The following MAGI2 variants were observed in gnomAD, a reference collection of about 807,000 sequenced individuals.
The protein encoded by MAGI2 is membrane-associated guanylate kinase, WW and PDZ domain-containing protein 2.
MAGI2 carries 35 observed loss-of-function variants against 133.3 expected under a neutral mutation model. That is an observed-to-expected ratio of 0.26 (90% CI 0.20 to 0.35). MAGI2 has a LOEUF of 0.35. Ranked by LOEUF, MAGI2 falls within the 10% of genes least tolerant of loss-of-function variation. The pLI is 1.00. For missense variants in MAGI2, 1,636 were observed against 1,863.4 expected (o/e 0.88, Z 2.25); for synonymous variants, 729 against 710.6 (o/e 1.03, Z -0.41).
In MAGI2 at chr7:78,470,429, T is replaced by C. The variant is rs527258859; in HGVS notation, c.1045+19332A>G. 2.6e-5 allele frequency among the ~76,000 whole-genome samples: 4 copies of C among 152,236 alleles called. No homozygotes were observed. The South Asian group carries it at 8.3e-4, about 32-fold the overall frequency. On this transcript the variant is annotated intron_variant, in intron 6 of 21. Transcript: ENST00000354212. ...AACATTTTAATATGAAACAATGCAT[T>C]GTTTCTCCTTTATTTAGTGGTGGGG... is the stretch of plus-strand genomic sequence containing the variant.
At chr7:79,166,027 G>C (rs1349985777) in intron 1 of MAGI2, among the ~76,000 whole-genome samples, 1 of 151,896 alleles carries the variant, frequency 6.6e-6, no homozygotes, top group Non-Finnish European at 1.5e-5. Context: ...ATCTTTGTTG[G>C]TTTGAATCTC....
intron 3 of MAGI2, among the ~76,000 whole-genome samples, chr7:78,572,176 A>G (rs76321538): frequency 0.026 from 3,939 of 152,286 alleles, 82 homozygotes; most frequent in Non-Finnish European, 0.039. Flanking sequence ...TTCGTGGTTC[A>G]GCAAAGACTT....
chr7:78,084,751 G>C (rs1031120213), intron 20 of MAGI2, among the ~76,000 whole-genome samples: 1 of 152,236 alleles, frequency 6.6e-6, no homozygotes, highest in African/African-American at 2.4e-5. Context: ...CTTTGCTGCT[G>C]CAGTCATTGT....
At chr7:78,708,989 C>T (rs113059603) in intron 2 of MAGI2, among the ~76,000 whole-genome samples, 2 of 152,096 alleles carry the variant, frequency 1.3e-5, no homozygotes, top group African/African-American at 4.8e-5. Context: ...TCTCCATCCC[C>T]GCTATTAGCC....
chr7:79,139,009 A>ACACCTGG (rs1202529808), intron 1 of MAGI2, among the ~76,000 whole-genome samples: 23 of 150,164 alleles, frequency 1.5e-4, no homozygotes, highest in African/African-American at 5.6e-4. Flanking sequence ...AGAGTCAAAG[A>ACACCTGG]CACCTGGCAT....
chr7:78,987,004 ATG>A (rs1805323561), intron 2 of MAGI2, among the ~76,000 whole-genome samples: 1 of 151,964 alleles, frequency 6.6e-6, no homozygotes. Context: ...GCAAACAAAC[ATG>A]TTCAGAGCAA....
intron 2 of MAGI2, among the ~76,000 whole-genome samples, chr7:78,750,887 G>A (rs915750123): frequency 6.6e-6 from 1 of 152,050 alleles, no homozygotes; most frequent in Non-Finnish European, 1.5e-5. Context: ...TAATCCAATG[G>A]CTAAAGAAAC....
intron 1 of MAGI2, among the ~76,000 whole-genome samples, chr7:79,203,719 A>G (rs565666777): frequency 7.4e-4 from 113 of 152,180 alleles, no homozygotes; most frequent in African/African-American, 2.7e-3. Context: ...ACCAATCAGT[A>G]GGCATTTTAA....
At chr7:78,621,117 C>G (rs955427774) in intron 3 of MAGI2, among the ~76,000 whole-genome samples, 1 of 151,970 alleles carries the variant, frequency 6.6e-6, no homozygotes, top group Non-Finnish European at 1.5e-5. Context: ...GGACAGTTCC[C>G]AAAGACCTGT....
intron 1 of MAGI2, among the ~76,000 whole-genome samples, chr7:79,109,490 A>G (rs1441455912): frequency 6.6e-6 from 1 of 152,200 alleles, no homozygotes; most frequent in African/African-American, 2.4e-5. Context: ...AGAAATGTCT[A>G]AGGAGCAAAG....
intron 2 of MAGI2, among the ~76,000 whole-genome samples, chr7:78,787,812 C>A (rs1026714329): frequency 3.9e-5 from 6 of 151,958 alleles, no homozygotes; most frequent in Admixed American, 2.6e-4. Flanking sequence ...TTTGATGGAG[C>A]CAGGTGATGG....
intron 6 of MAGI2, among the ~76,000 whole-genome samples, chr7:78,392,885 C>T (rs771808120): frequency 9.9e-5 from 15 of 152,098 alleles, no homozygotes; most frequent in East Asian, 1.9e-4. Context: ...TCAGGTGATT[C>T]GCCAACCTCA....
intron 6 of MAGI2, chr7:78,486,700 T>G: frequency 2.5e-6 from 1 of 392,206 alleles, no homozygotes; most frequent in Admixed American, 2.9e-5. Context: ...CCAACTGGAG[T>G]CCAGCAAGGT....
chr7:78,247,691 T>A (rs1791948450), intron 10 of MAGI2, among the ~76,000 whole-genome samples: 1 of 152,082 alleles, frequency 6.6e-6, no homozygotes, highest in Admixed American at 6.5e-5. Context: ...GCAGACTAGA[T>A]TAAGCAGAAG....
intron 17 of MAGI2, 91 bp downstream of exon 17, chr7:78,134,930 C>T (rs1421906484): frequency 1.8e-6 from 2 of 1,104,968 alleles, no homozygotes; most frequent in East Asian, 2.4e-5. Flanking sequence ...CAGGCAGGTG[C>T]ACTCCGCGAC....
In MAGI2 at chr7:78,074,557, C is replaced by G. The variant is rs151280071; in HGVS notation, c.3706+4390G>C. 5.3e-5 allele frequency among the ~76,000 whole-genome samples: 8 copies of G among 152,158 alleles called. No homozygotes were observed. In the East Asian group the frequency reaches 1.5e-3, roughly 29 times the overall value. ...CATTAGGAAAAAGTAGGATTATATT[C>G]TTGGCTATATCTACTGGTTAAACTC... is the stretch of plus-strand genomic sequence containing the variant. On this transcript the variant is annotated intron_variant, in intron 21 of 21. Transcript: ENST00000354212.
intron 21 of MAGI2, among the ~76,000 whole-genome samples, chr7:78,046,683 T>A (rs994423199): frequency 1.3e-5 from 2 of 152,186 alleles, no homozygotes; most frequent in Admixed American, 1.3e-4. Context: ...ACCAAGCAAC[T>A]CATGATAGCT....
chr7:79,293,808 A>C (rs937118142), intron 1 of MAGI2, among the ~76,000 whole-genome samples: 1 of 152,202 alleles, frequency 6.6e-6, no homozygotes, highest in African/African-American at 2.4e-5. Flanking sequence ...ACATTTGCTC[A>C]AGCGCCTTTT....
chr7:78,329,505 C>G (rs73134514), intron 9 of MAGI2, among the ~76,000 whole-genome samples: 1 of 152,152 alleles, frequency 6.6e-6, no homozygotes, highest in Non-Finnish European at 1.5e-5. Context: ...GAACTTTTCA[C>G]CGAGCACTTG....
Sources: gnomAD v4.1 joint callset for allele counts (sites outside exome capture counted in the v4.1 genomes callset) on GRCh38, gnomAD v4.1.1 for gene constraint, MANE v1.5 for transcripts, NCBI Gene and HGNC (gene_info 2026-07-23, HGNC 2026-07-21) for gene names.